C17orf67: variants seen among roughly 807,000 people sequenced by gnomAD.
C17orf67 encodes the protein uncharacterized protein C17orf67.
A neutral mutation model predicts 11.2 loss-of-function variants in C17orf67; 12 were observed. The observed-to-expected ratio is 1.07, with a 90% CI of 0.68 to 1.73. The LOEUF (loss-of-function observed/expected upper bound fraction) is 1.73, where lower values mean the gene tolerates loss of function less well. C17orf67 is among the 40% of genes most tolerant of loss of function. The probability of loss-of-function intolerance (pLI) is 0.00; values close to 1 mark genes in which losing one functional copy is unlikely to be tolerated. For synonymous variants in C17orf67, 59 were observed against 46.9 expected, an observed-to-expected ratio of 1.26 and a Z score of -1.05; for missense variants, 115 against 113.5, an observed-to-expected ratio of 1.01 and a Z score of -0.06.
At chr17:56,818,593 G>A (rs1398013859) in intron 4 of C17orf67, among the ~76,000 whole-genome samples, 1 of 152,042 alleles carries the variant, frequency 6.6e-6, no homozygotes, top group Non-Finnish European at 1.5e-5. Context: ...AAAACATAAA[G>A]CCACAGATGC....
At position 56,815,956 on chromosome 17, in the gene C17orf67, C is replaced by T. The variant is rs1443972488; in HGVS notation, c.-146G>A. 2.1e-6 allele frequency: 3 copies of T among 1,449,358 alleles called. No homozygotes were observed. Among genetic ancestry groups the T allele is most frequent in the Admixed American group, 1.8e-5 (1 of 54,356 alleles). 89.8% of individuals were successfully genotyped at this position (1,449,358 alleles called of 1,614,324 possible). A position where few individuals can be genotyped will look rare whatever the true frequency, so the allele number is the denominator to read the frequency against. ...GATGCTGAATGTATCTGACTCTGAG[C>T]GTTTTAGTAATGACCACTGAAATAT... On this transcript the variant is annotated 5_prime_UTR_variant, in exon 5 of 8. Transcript: ENST00000397861.
intron 6 of C17orf67, among the ~76,000 whole-genome samples, chr17:56,809,435 G>A (rs1396489282): frequency 6.6e-6 from 1 of 151,822 alleles, no homozygotes; most frequent in Non-Finnish European, 1.5e-5. Context: ...TAGAAGAGGG[G>A]GCTGGAACTC....
At chr17:56,808,823 T>C (rs145593219) in intron 6 of C17orf67, among the ~76,000 whole-genome samples, 19 of 152,356 alleles carry the variant, frequency 1.2e-4, no homozygotes, top group African/African-American at 4.3e-4. Flanking sequence ...CATGGCTCAG[T>C]AGATCTTCAT....
At chr17:56,802,451 G>A (rs571639819) in intron 6 of C17orf67, among the ~76,000 whole-genome samples, 171 of 152,332 alleles carry the variant, frequency 1.1e-3, no homozygotes, top group African/African-American at 3.9e-3. Context: ...CTAGGAGGCT[G>A]TCCTCTCCAG....
At chr17:56,809,570 TCACA>T (rs779211944) in intron 6 of C17orf67, among the ~76,000 whole-genome samples, 17 of 84,546 alleles carry the variant, frequency 2.0e-4, no homozygotes, top group Non-Finnish European at 4.0e-4. Flanking sequence ...ATACACAGCC[TCACA>T]CACACCCCTC....
At chr17:56,797,295 G>A (rs939039125) in intron 6 of C17orf67, among the ~76,000 whole-genome samples, 3 of 152,174 alleles carry the variant, frequency 2.0e-5, no homozygotes, top group African/African-American at 7.2e-5. Context: ...GGCCAAGGGT[G>A]GAGAACCCTT....
intron 6 of C17orf67, among the ~76,000 whole-genome samples, chr17:56,796,240 A>G (rs1905211954): frequency 6.6e-6 from 1 of 152,228 alleles, no homozygotes; most frequent in Admixed American, 6.5e-5. Context: ...AAACTTGTAT[A>G]CAGATGTTCA....
chr17:56,813,568 A>C (rs947344429), intron 6 of C17orf67, among the ~76,000 whole-genome samples: 1 of 151,760 alleles, frequency 6.6e-6, no homozygotes, highest in Non-Finnish European at 1.5e-5. Context: ...ATTCTACAAA[A>C]AAAAAAAAAT....
intron 2 of C17orf67, among the ~76,000 whole-genome samples, chr17:56,828,530 GTTGT>G (rs1321929171): frequency 6.6e-6 from 1 of 152,092 alleles, no homozygotes; most frequent in African/African-American, 2.4e-5. Context: ...CTTTTTTGAT[GTTGT>G]TTATATTTTG....
At chr17:56,795,305 A>C in intron 6 of C17orf67, 125 bp from the exon 7 acceptor site, 4 of 796,228 alleles carry the variant, frequency 5.0e-6, no homozygotes, top group East Asian at 2.6e-5. Flanking sequence ...AGAAGAAATC[A>C]ACGGCCACAC....
At chr17:56,800,058 ATTTTTTTTTTTT>A (rs772880968) in intron 6 of C17orf67, among the ~76,000 whole-genome samples, 1 of 96,282 alleles carries the variant, frequency 1.0e-5, no homozygotes, top group Non-Finnish European at 1.9e-5. Flanking sequence ...TTGCAAACTA[ATTTTTTTTTTTT>A]TTTTTTTTTT....
At chr17:56,815,730 A>C in intron 5 of C17orf67, 26 bp downstream of exon 5, 3 of 1,578,640 alleles carry the variant, frequency 1.9e-6, no homozygotes, top group Non-Finnish European at 1.7e-6. Context: ...GCATAGAAAT[A>C]GGCTGTTTTT....
intron 4 of C17orf67, among the ~76,000 whole-genome samples, chr17:56,819,381 C>T (rs193062900): frequency 6.6e-6 from 1 of 152,338 alleles, no homozygotes; most frequent in Admixed American, 6.5e-5. Flanking sequence ...CCACCACTCT[C>T]CATCTCACAG....
chr17:56,813,500 T>A (rs1266874640), intron 6 of C17orf67, among the ~76,000 whole-genome samples: 2 of 151,818 alleles, frequency 1.3e-5, no homozygotes, highest in African/African-American at 4.8e-5. Context: ...ACTCCCCAAC[T>A]TGAAAAATCC....
In C17orf67 at chr17:56,832,889, C is replaced by T; in HGVS notation, c.-557+9G>A. 2 of 152,330 alleles carry T rather than the reference C, an allele frequency of 1.3e-5. No individual in the cohort carries two copies. Among genetic ancestry groups the T allele is most frequent in the Non-Finnish European group, 2.9e-5 (2 of 68,032 alleles). The allele number at this position is 152,330 out of a possible 1,614,324, so 9.4% of individuals were successfully genotyped here. A position where few individuals can be genotyped will look rare whatever the true frequency, so the allele number is the denominator to read the frequency against. On this transcript the variant is annotated intron_variant, in intron 2 of 7. Transcript: ENST00000397861. ...ATGCACACATAATAATATATACATA[C>T]ACACATACACGTATATATACATCTA... is the stretch of plus-strand genomic sequence containing the variant.
chr17:56,822,955 G>C (rs1416222454), intron 4 of C17orf67, among the ~76,000 whole-genome samples: 3 of 152,172 alleles, frequency 2.0e-5, no homozygotes, highest in Admixed American at 2.0e-4. Flanking sequence ...CAGGATGTTG[G>C]CCTCAACTAT....
chr17:56,830,612 G>A (rs1267959713), intron 2 of C17orf67, among the ~76,000 whole-genome samples: 1 of 151,934 alleles, frequency 6.6e-6, no homozygotes, highest in Non-Finnish European at 1.5e-5. Context: ...TAGCCACCAC[G>A]CCTGGCTAAT....
intron 7 of C17orf67, among the ~76,000 whole-genome samples, 163 bp downstream of exon 7, chr17:56,794,881 C>A (rs1473733452): frequency 1.3e-5 from 2 of 151,930 alleles, no homozygotes; most frequent in Non-Finnish European, 2.9e-5. Context: ...AACCTGGCTC[C>A]CCACTATGTC....
chr17:56,827,976 G>A (rs1258515820), intron 2 of C17orf67, among the ~76,000 whole-genome samples: 36 of 152,108 alleles, frequency 2.4e-4, no homozygotes, highest in Admixed American at 2.4e-3. Flanking sequence ...GGAGGCCAAG[G>A]CAGGCGGATC....
Sources: gnomAD v4.1 joint callset for allele counts (sites outside exome capture counted in the v4.1 genomes callset) on GRCh38, gnomAD v4.1.1 for gene constraint, MANE v1.5 for transcripts, NCBI Gene and HGNC (gene_info 2026-07-23, HGNC 2026-07-21) for gene names.